Variants in PCDH15 observed in about 807,000 individuals in gnomAD.
PCDH15 encodes the protein protocadherin-15.
Under a neutral mutation model 178.5 loss-of-function variants are expected in PCDH15, and 129 were observed. The ratio of observed to expected loss-of-function variants is 0.72; its 90% CI spans 0.63 to 0.84. The LOEUF (loss-of-function observed/expected upper bound fraction) is 0.84, where lower values mean the gene tolerates loss of function less well. PCDH15 is among the 40% of genes least tolerant of loss of function. The pLI is 0.00. For missense variants in PCDH15, 2,230 were observed against 2,099.9 expected (o/e 1.06, Z -1.21); for synonymous variants, 800 against 732.0 (o/e 1.09, Z -1.50).
At chr10:55,126,490 G>C (rs1005675160) in intron 2 of PCDH15, among the ~76,000 whole-genome samples, 3 of 152,084 alleles carry the variant, frequency 2.0e-5, no homozygotes, top group Non-Finnish European at 4.4e-5. Context: ...AAATACCACA[G>C]CTGTGCAATC....
intron 2 of PCDH15, among the ~76,000 whole-genome samples, chr10:55,164,039 C>T (rs763162110): frequency 3.9e-5 from 6 of 152,204 alleles, no homozygotes; most frequent in Non-Finnish European, 7.4e-5. Flanking sequence ...GACCCCTTTC[C>T]GGTTACATAA....
intron 2 of PCDH15, among the ~76,000 whole-genome samples, chr10:54,596,410 G>A (rs1483891106): frequency 3.9e-5 from 6 of 152,102 alleles, no homozygotes. Flanking sequence ...AAAAGCAAAT[G>A]CTGAGGGATT....
intron 15 of PCDH15, among the ~76,000 whole-genome samples, chr10:54,108,099 G>GT (rs1158145659): frequency 1.3e-5 from 2 of 152,162 alleles, no homozygotes; most frequent in Admixed American, 6.5e-5. Context: ...CAAAGCAAGA[G>GT]TGGAGAGAGT....
intron 1 of PCDH15, among the ~76,000 whole-genome samples, chr10:55,175,969 G>T (rs1241743865): frequency 2.6e-5 from 4 of 151,982 alleles, no homozygotes; most frequent in Admixed American, 6.6e-5. Context: ...ACCACTGTAG[G>T]GTGGACTGTC....
chr10:54,682,884 C>T (rs1406248268), intron 1 of PCDH15, among the ~76,000 whole-genome samples: 1 of 152,060 alleles, frequency 6.6e-6, no homozygotes. Context: ...AAGATTTGTT[C>T]AAGATTTGCT....
intron 29 of PCDH15, among the ~76,000 whole-genome samples, chr10:53,837,622 C>T (rs1234489861): frequency 6.6e-6 from 1 of 152,042 alleles, no homozygotes; most frequent in African/African-American, 2.4e-5. Context: ...AAGAACACTT[C>T]CATTGACCTG....
chr10:54,397,188 C>G (rs1951339985), intron 3 of PCDH15, among the ~76,000 whole-genome samples: 1 of 151,988 alleles, frequency 6.6e-6, no homozygotes, highest in Non-Finnish European at 1.5e-5. Context: ...CTTCCTATGA[C>G]TCTTTGAGAT....
At chr10:55,418,429 T>A (rs1182947679) in intron 2 of PCDH15, among the ~76,000 whole-genome samples, 1 of 151,766 alleles carries the variant, frequency 6.6e-6, no homozygotes, top group African/African-American at 2.4e-5. Context: ...AAATAATGTC[T>A]AAAACGTGGA....
At chr10:55,264,010 A>C (rs1842216880) in intron 1 of PCDH15, among the ~76,000 whole-genome samples, 1 of 152,052 alleles carries the variant, frequency 6.6e-6, no homozygotes. Flanking sequence ...CTGGGATTAC[A>C]GGCCTGAGCC....
At chr10:55,555,872 T>C (rs1311210391) in intron 2 of PCDH15, among the ~76,000 whole-genome samples, 1 of 152,136 alleles carries the variant, frequency 6.6e-6, no homozygotes, top group Non-Finnish European at 1.5e-5. Context: ...TGGCTCTCCA[T>C]AGTCGCATTA....
At chr10:54,433,733 G>A (rs781232560) in intron 3 of PCDH15, among the ~76,000 whole-genome samples, 1 of 152,108 alleles carries the variant, frequency 6.6e-6, no homozygotes, top group Non-Finnish European at 1.5e-5. Flanking sequence ...AAATGCTTGA[G>A]GGGATGGAGA....
At chr10:54,481,802 T>G (rs1317826567) in intron 3 of PCDH15, among the ~76,000 whole-genome samples, 1 of 151,890 alleles carries the variant, frequency 6.6e-6, no homozygotes, top group Non-Finnish European at 1.5e-5. Context: ...TCTTTTATTT[T>G]TATTTTTCAA....
chr10:54,753,398 G>T (rs1196572004), intron 1 of PCDH15, among the ~76,000 whole-genome samples: 1 of 152,042 alleles, frequency 6.6e-6, no homozygotes, highest in Non-Finnish European at 1.5e-5. Flanking sequence ...TGCCCAGGCT[G>T]GTCTCGAACT....
chr10:53,903,166 C>T, intron 26 of PCDH15, 77 bp downstream of exon 26: 1 of 1,550,376 alleles, frequency 6.5e-7, no homozygotes. Flanking sequence ...GCAGTTAATG[C>T]AAACTACAGG....
At chr10:55,325,390 A>G (rs545788147) in intron 2 of PCDH15, among the ~76,000 whole-genome samples, 1 of 152,248 alleles carries the variant, frequency 6.6e-6, no homozygotes, top group East Asian at 1.9e-4. Flanking sequence ...AGTGGAACAG[A>G]ATAAAGATCC....
At chr10:54,296,639 T>A (rs762602849) in intron 8 of PCDH15, among the ~76,000 whole-genome samples, 2 of 152,096 alleles carry the variant, frequency 1.3e-5, no homozygotes, top group Non-Finnish European at 2.9e-5. Context: ...CAGAAAGACA[T>A]AATTTTTGCC....
At chr10:55,400,658 C>T (rs1448632213) in intron 2 of PCDH15, among the ~76,000 whole-genome samples, 2 of 152,140 alleles carry the variant, frequency 1.3e-5, no homozygotes, top group Non-Finnish European at 2.9e-5. Context: ...TCAAACAAGG[C>T]CCTCATACTG....
intron 8 of PCDH15, among the ~76,000 whole-genome samples, chr10:54,268,007 C>A (rs2057802948): frequency 6.6e-6 from 1 of 151,840 alleles, no homozygotes; most frequent in Non-Finnish European, 1.5e-5. Flanking sequence ...ACAGGGGCAA[C>A]ACATTACCTG....
At chr10:54,140,148 T>G (rs1590738496) in intron 14 of PCDH15, among the ~76,000 whole-genome samples, 1 of 152,278 alleles carries the variant, frequency 6.6e-6, no homozygotes, top group Non-Finnish European at 1.5e-5. Flanking sequence ...GCTCATATCT[T>G]AATGAATGTA....
Sources: allele counts gnomAD v4.1 joint callset (sites outside exome capture counted in the v4.1 genomes callset), GRCh38; gene constraint gnomAD v4.1.1; transcripts MANE v1.5; gene names NCBI Gene and HGNC (gene_info 2026-07-23, HGNC 2026-07-21).